TBC1D8B: variants seen among roughly 807,000 people sequenced by gnomAD.
The protein encoded by TBC1D8B is RP11-321G1.1.
In TBC1D8B, 75 loss-of-function variants were observed where a neutral mutation model predicts 82.9. The observed-to-expected ratio is 0.90, with a 90% CI of 0.75 to 1.10. The LOEUF (loss-of-function observed/expected upper bound fraction) is 1.10, where lower values mean the gene tolerates loss of function less well. Ranked by LOEUF, TBC1D8B falls within the 50% of genes least tolerant of loss-of-function variation. The pLI is 0.00. For missense variants in TBC1D8B, 794 were observed against 796.9 expected (o/e 1.00, Z 0.04); for synonymous variants, 276 against 276.8 (o/e 1.00, Z 0.03).
At chrX:106,869,599 A>G (rs1359957737) in intron 19 of TBC1D8B, 58 bp downstream of exon 19, 1 of 986,083 alleles carries the variant, frequency 1.0e-6, no homozygotes, top group Non-Finnish European at 1.4e-6. Context: ...GTAAATAAGG[A>G]TAGCTACAAA....
chrX:106,828,023 A>G (rs1931902415), intron 7 of TBC1D8B: 1 of 111,791 alleles, frequency 8.9e-6, no homozygotes, highest in Non-Finnish European at 1.9e-5. Flanking sequence ...GAAAGGATCA[A>G]CAAAATTGAT....
intron 7 of TBC1D8B, chrX:106,828,167 A>C (rs775402825): frequency 9.0e-6 from 1 of 111,510 alleles, no homozygotes; most frequent in Admixed American, 9.5e-5. Flanking sequence ...AAACACCTCT[A>C]CGCAAATAAA....
intron 14 of TBC1D8B, among the ~76,000 whole-genome samples, chrX:106,859,285 T>G (rs2147768096): frequency 8.9e-6 from 1 of 112,280 alleles, no homozygotes; most frequent in East Asian, 2.8e-4. Flanking sequence ...ACTGAATCTT[T>G]AAATTGCTTT....
At chrX:106,856,969 C>T (rs1231939412) in intron 14 of TBC1D8B, among the ~76,000 whole-genome samples, 1 of 110,848 alleles carries the variant, frequency 9.0e-6, no homozygotes, top group Non-Finnish European at 1.9e-5. Flanking sequence ...TATTGACTCT[C>T]ATTAATTGTA....
intron 1 of TBC1D8B, among the ~76,000 whole-genome samples, chrX:106,811,962 G>GA (rs1179706845): frequency 9.0e-5 from 10 of 111,012 alleles, no homozygotes; most frequent in African/African-American, 2.6e-4. Context: ...ATCCTTTAAT[G>GA]AAAAAAAGAT....
chrX:106,870,656 G>T, intron 19 of TBC1D8B, 60 bp from the exon 20 acceptor site: 1 of 723,276 alleles, frequency 1.4e-6, no homozygotes, highest in South Asian at 2.6e-5. Flanking sequence ...TATTATTTTT[G>T]AATTTTGGGA....
chrX:106,822,822 ACT>A (rs1260777886), intron 4 of TBC1D8B, among the ~76,000 whole-genome samples: 1 of 102,544 alleles, frequency 9.8e-6, no homozygotes, highest in African/African-American at 3.6e-5. Context: ...ATATAGTGAG[ACT>A]CTGTCTCTAC....
Position 106,865,533 on chromosome X carries a change from C to T in TBC1D8B, c.2353-26C>T, listed in dbSNP as rs532842166. On this transcript the variant is annotated intron_variant, in intron 14 of 20. Transcript: ENST00000357242. ...TTACTGCAATGTTAAAATCTGTGTACTAAATTGCTTTTAATCTTTTTAAAG... is the reference window on the plus strand; with the variant it reads ...TTACTGCAATGTTAAAATCTGTGTATTAAATTGCTTTTAATCTTTTTAAAG... 5.2e-6 allele frequency: 6 copies of T among 1,159,958 alleles called. No homozygotes were observed. The Admixed American group carries it at 1.4e-4, about 27-fold the overall frequency.
At chrX:106,864,264 G>C (rs1932798233) in intron 14 of TBC1D8B, among the ~76,000 whole-genome samples, 1 of 110,797 alleles carries the variant, frequency 9.0e-6, no homozygotes, top group Admixed American at 9.6e-5. Flanking sequence ...CATGGAGAGT[G>C]TGAATTACCC....
intron 18 of TBC1D8B, among the ~76,000 whole-genome samples, chrX:106,868,741 G>A (rs1355148595): frequency 8.9e-6 from 1 of 111,938 alleles, no homozygotes; most frequent in Non-Finnish European, 1.9e-5. Context: ...TTTCTAAAAT[G>A]TATTAGACCA....
rs148219364 is a variant in TBC1D8B, at chrX:106,842,678, C to T, written c.1719+1794C>T. On this transcript the variant is annotated intron_variant, in intron 10 of 20. Coordinates refer to ENST00000357242, the MANE Select transcript of TBC1D8B (RefSeq NM_017752.3). ...ATTCTGTCTCTCTAATCTTTTCTAT[C>T]ATCTGTCTCCATCTATCTATCTAAT... Among the ~76,000 whole-genome samples, 862 of 109,518 alleles carry T rather than the reference C, an allele frequency of 7.9e-3. 8 individuals are homozygous for T. Among genetic ancestry groups the T allele is most frequent in the Middle Eastern group, 0.023 (5 of 217 alleles).
intron 12 of TBC1D8B, among the ~76,000 whole-genome samples, chrX:106,851,959 T>G (rs1256477641): frequency 9.1e-6 from 1 of 110,113 alleles, no homozygotes; most frequent in Admixed American, 9.7e-5. Context: ...CAAATGGTAT[T>G]TCTAGTTCTA....
chrX:106,844,209 G>A (rs1260227868), intron 10 of TBC1D8B, among the ~76,000 whole-genome samples: 4 of 108,164 alleles, frequency 3.7e-5, no homozygotes, highest in African/African-American at 1.3e-4. Flanking sequence ...CCTTATTCTT[G>A]CCTAGTTGAC....
chrX:106,840,876 T>G lies in TBC1D8B; in HGVS notation c.1711T>G (p.Tyr571Asp). ...AYAYRNPKIG[Y>D]CQAMNILTSV... The stretch of plus-strand genomic sequence containing the variant: ...TGCATACAGGAATCCCAAAATTGGA[T>G]ACTGCCAGGTATGACTTAACTATGA... Residue 571 changes from tyrosine to aspartate, a missense_variant, in exon 10 of 21, where the codon TAC (tyrosine) becomes GAC (aspartate). Tyr to Asp is a radical substitution (Grantham distance 160, BLOSUM62 -3). Coordinates refer to ENST00000357242, the MANE Select transcript of TBC1D8B (RefSeq NM_017752.3). 1 of 1,207,152 alleles carries G rather than the reference T, an allele frequency of 8.3e-7. No homozygotes were observed.
intron 7 of TBC1D8B, among the ~76,000 whole-genome samples, chrX:106,837,932 T>A (rs1380610566): frequency 9.0e-6 from 1 of 111,469 alleles, no homozygotes; most frequent in East Asian, 2.8e-4. Context: ...GGGGTATAAT[T>A]TATATATTTG....
intron 10 of TBC1D8B, 80 bp from the exon 11 acceptor site, chrX:106,848,106 C>T (rs1932500308): frequency 1.5e-6 from 1 of 657,083 alleles, no homozygotes; most frequent in African/African-American, 2.2e-5. Flanking sequence ...TTGTTGCTGT[C>T]AAAAACTATT....
At chrX:106,841,405 T>C (rs995212914) in intron 10 of TBC1D8B, among the ~76,000 whole-genome samples, 1 of 111,699 alleles carries the variant, frequency 9.0e-6, no homozygotes, top group African/African-American at 3.3e-5. Context: ...GGTGATGGAA[T>C]CCATGTAACC....
chrX:106,873,530 C>T (rs749853274), intron 20 of TBC1D8B, 40 bp from the exon 21 acceptor site: 2 of 1,142,603 alleles, frequency 1.8e-6, no homozygotes, highest in East Asian at 6.0e-5. Context: ...TTTGCTAAGT[C>T]TAATATTCAA....
intron 1 of TBC1D8B, among the ~76,000 whole-genome samples, chrX:106,811,905 T>A (rs1454095555): frequency 1.8e-5 from 2 of 111,444 alleles, no homozygotes; most frequent in Non-Finnish European, 3.8e-5. Context: ...CAGAAGACAT[T>A]GTAATCTGTT....
Sources: allele counts gnomAD v4.1 joint callset (sites outside exome capture counted in the v4.1 genomes callset), GRCh38; gene constraint gnomAD v4.1.1; transcripts MANE v1.5; gene names NCBI Gene and HGNC (gene_info 2026-07-23, HGNC 2026-07-21).